Variants in SPOP observed in about 807,000 individuals in gnomAD.
SPOP encodes speckle-type POZ protein.
A neutral mutation model predicts 45.6 loss-of-function variants in SPOP; 11 were observed. The observed-to-expected ratio is 0.24, with a 90% confidence interval of 0.15 to 0.40. The LOEUF is 0.40. Ranked by LOEUF, SPOP falls within the 10% of genes least tolerant of loss-of-function variation. The pLI is 1.00. For synonymous variants in SPOP, 166 were observed against 166.3 expected (o/e 1.00, Z 0.01); for missense variants, 152 against 465.6 (o/e 0.33, Z 6.20).
intron 1 of SPOP, among the ~76,000 whole-genome samples, chr17:49,660,477 T>C (rs1346029410): frequency 6.6e-6 from 1 of 152,212 alleles, no homozygotes; most frequent in Non-Finnish European, 1.5e-5. Context: ...CACTTTCCAA[T>C]AAACCATATA....
chr17:49,656,110 C>T (rs1428549293), intron 1 of SPOP, among the ~76,000 whole-genome samples: 1 of 152,130 alleles, frequency 6.6e-6, no homozygotes, highest in African/African-American at 2.4e-5. Flanking sequence ...CCGTGCCCAG[C>T]CAGGTATTCT....
chr17:49,673,350 CA>C (rs1408439013), intron 1 of SPOP, among the ~76,000 whole-genome samples: 1 of 151,758 alleles, frequency 6.6e-6, no homozygotes, highest in Admixed American at 6.6e-5. Flanking sequence ...CTAAAAAATA[CA>C]AAAAATTAGC....
chr17:49,645,163 T>C (rs1026297568), intron 1 of SPOP, among the ~76,000 whole-genome samples: 37 of 152,222 alleles, frequency 2.4e-4, no homozygotes, highest in African/African-American at 8.7e-4. Context: ...GTCCAGATCA[T>C]CTCACTAAGG....
intron 1 of SPOP, among the ~76,000 whole-genome samples, chr17:49,625,980 T>A (rs146572788): frequency 0.014 from 2,128 of 152,350 alleles, 63 homozygotes; most frequent in African/African-American, 0.049. Flanking sequence ...TAAACTACTT[T>A]TTGTAGTGTT....
chr17:49,672,363 T>A (rs942402760), intron 1 of SPOP, among the ~76,000 whole-genome samples: 5 of 152,136 alleles, frequency 3.3e-5, no homozygotes, highest in African/African-American at 1.2e-4. Context: ...ACTTACTAAT[T>A]ACAAAGGGGG....
chr17:49,644,879 T>C (rs1412778042), intron 1 of SPOP, among the ~76,000 whole-genome samples: 2 of 152,184 alleles, frequency 1.3e-5, no homozygotes, highest in Non-Finnish European at 2.9e-5. Flanking sequence ...ACTAAATTCA[T>C]GGCAATAGGT....
At chr17:49,639,067 G>C (rs1381002925) in intron 1 of SPOP, among the ~76,000 whole-genome samples, 5 of 152,190 alleles carry the variant, frequency 3.3e-5, no homozygotes, top group African/African-American at 1.2e-4. Flanking sequence ...CATTCTTTGA[G>C]ACACAGTGGT....
rs1247779895 is a variant in SPOP at position 49,657,631 on chromosome 17, C to T, written c.-67+20302G>A. 2.6e-5 allele frequency among the ~76,000 whole-genome samples: 4 copies of T among 150,978 alleles called. No homozygotes were observed. In the Admixed American group the frequency reaches 2.7e-4, roughly 10 times the overall value. ...CCAGGCTGGTCTTGAACTCCTGACC[C>T]TATGATCCACTCGCCTCGGCCTCCC... On this transcript the variant is annotated intron_variant, in intron 1 of 9. Transcript: ENST00000504102.
chr17:49,653,921 G>C (rs1051370265), intron 1 of SPOP, among the ~76,000 whole-genome samples: 3 of 151,840 alleles, frequency 2.0e-5, no homozygotes, highest in African/African-American at 7.3e-5. Flanking sequence ...AGCTCTGAAA[G>C]AAGATACAGA....
At chr17:49,603,692 C>G (rs570886875) in intron 8 of SPOP, among the ~76,000 whole-genome samples, 31 of 152,228 alleles carry the variant, frequency 2.0e-4, no homozygotes, top group African/African-American at 6.7e-4. Flanking sequence ...CTAAAACTCA[C>G]GAAGAGGTGT....
intron 1 of SPOP, among the ~76,000 whole-genome samples, chr17:49,625,682 C>A (rs2072314978): frequency 6.6e-6 from 1 of 151,910 alleles, no homozygotes; most frequent in African/African-American, 2.4e-5. Flanking sequence ...TAAAAAAAAG[C>A]AAGTTTAGGA....
chr17:49,618,499 C>A (rs1022960165), intron 5 of SPOP: 11 of 454,312 alleles, frequency 2.4e-5, no homozygotes, highest in Non-Finnish European at 4.4e-5. Context: ...AAAAATGGTT[C>A]TCACCTTCTT....
chr17:49,619,159 C>G lies in SPOP; in HGVS notation c.353-51G>C, dbSNP rs572136913. 1.2e-6 allele frequency: 2 copies of G among 1,613,430 alleles called. No homozygotes were observed. Among genetic ancestry groups the G allele is most frequent in the South Asian group, 2.2e-5 (2 of 91,044 alleles). On this transcript the variant is annotated intron_variant, in intron 4 of 9. Coordinates refer to ENST00000504102, the MANE Select transcript of SPOP (RefSeq NM_001007228.2). This position sits in a 1 kb window ranked among gnomAD's most constrained non-coding sequence, Gnocchi z 4.9. ...ATTTAAGGTTACGCAAAAACCAGATCAAAGCCACAACTTGTCAGTGTATGA... is the reference window on the plus strand; with the variant it reads ...ATTTAAGGTTACGCAAAAACCAGATGAAAGCCACAACTTGTCAGTGTATGA...
intron 1 of SPOP, among the ~76,000 whole-genome samples, chr17:49,650,635 T>C (rs1414366323): frequency 6.6e-6 from 1 of 152,184 alleles, no homozygotes; most frequent in Non-Finnish European, 1.5e-5. Flanking sequence ...AGTAGAGATA[T>C]GAGTATTTTT....
At chr17:49,668,334 A>G (rs1488678834) in intron 1 of SPOP, among the ~76,000 whole-genome samples, 1 of 152,236 alleles carries the variant, frequency 6.6e-6, no homozygotes, top group African/African-American at 2.4e-5. Context: ...ACCGTGGTAC[A>G]GCATATTCAT....
chr17:49,600,639 CAGA>C lies in SPOP; in HGVS notation c.981-120_981-118del. The C allele has an allele frequency of 1.8e-6, 2 of 1,105,276 alleles. No individual in the cohort carries two copies. The highest frequency in any genetic ancestry group is 2.6e-6 in the Non-Finnish European group (2 of 763,056). 68.5% of individuals were successfully genotyped at this position (1,105,276 alleles called of 1,614,324 possible). A position where few individuals can be genotyped will look rare whatever the true frequency, so the allele number is the denominator to read the frequency against. On this transcript the variant is annotated intron_variant, in intron 9 of 9. Transcript: ENST00000504102. This position sits in a 1 kb window ranked among gnomAD's most constrained non-coding sequence, Gnocchi z 4.2. ...GTATAAAGGGTGTCAATGCAAGAAA[CAGA>C]AGAACCCTTAATATGCATAAGAATT... is the stretch of plus-strand genomic sequence containing the variant.
At chr17:49,673,615 A>AT (rs1249263925) in intron 1 of SPOP, among the ~76,000 whole-genome samples, 4 of 152,142 alleles carry the variant, frequency 2.6e-5, no homozygotes, top group African/African-American at 7.2e-5. Context: ...TAATTGTACT[A>AT]TTTTTTCCAT....
intron 1 of SPOP, among the ~76,000 whole-genome samples, chr17:49,646,878 T>C (rs1215609258): frequency 3.3e-5 from 5 of 152,164 alleles, no homozygotes; most frequent in Non-Finnish European, 7.4e-5. Flanking sequence ...GGGTGACTCT[T>C]AGATCAGGTA....
intron 1 of SPOP, among the ~76,000 whole-genome samples, chr17:49,643,509 G>A (rs2072697775): frequency 6.6e-6 from 1 of 152,222 alleles, no homozygotes; most frequent in Non-Finnish European, 1.5e-5. Context: ...CTTTGGCTAA[G>A]AATGCTTCAA....
Sources: gnomAD v4.1 joint callset for allele counts (sites outside exome capture counted in the v4.1 genomes callset) on GRCh38, gnomAD v4.1.1 for gene constraint, Gnocchi (gnomAD v3.1) non-coding constraint, MANE v1.5 for transcripts, NCBI Gene and HGNC (gene_info 2026-07-23, HGNC 2026-07-21) for gene names.